The following PTPRD variants were observed in gnomAD, a reference collection of about 807,000 sequenced individuals.
The protein encoded by PTPRD is receptor-type tyrosine-protein phosphatase delta.
A neutral mutation model predicts 214.5 loss-of-function variants in PTPRD; 34 were observed. The ratio of observed to expected loss-of-function variants is 0.16; its 90% CI spans 0.12 to 0.21. The LOEUF is 0.21. Ranked by LOEUF, PTPRD falls within the 10% of genes least tolerant of loss-of-function variation. The probability of loss-of-function intolerance (pLI) is 1.00; values close to 1 mark genes in which losing one functional copy is unlikely to be tolerated. For missense variants in PTPRD, 2,545 were observed against 2,398.7 expected, an observed-to-expected ratio of 1.06 and a Z score of -1.27; for synonymous variants, 1,128 against 845.7, an observed-to-expected ratio of 1.33 and a Z score of -5.79.
intron 2 of PTPRD, among the ~76,000 whole-genome samples, chr9:10,572,523 A>T (rs967995191): frequency 1.3e-5 from 2 of 152,186 alleles, no homozygotes; most frequent in African/African-American, 4.8e-5. Context: ...AAGACCAAAA[A>T]CAGTGATGAA....
intron 3 of PTPRD, among the ~76,000 whole-genome samples, chr9:10,307,561 C>T (rs909464031): frequency 1.3e-5 from 2 of 151,862 alleles, no homozygotes; most frequent in African/African-American, 4.8e-5. Flanking sequence ...GCTTTCTTTT[C>T]CTTCAGTAGT....
chr9:10,433,417 G>A (rs2098696218), intron 2 of PTPRD, among the ~76,000 whole-genome samples: 1 of 151,940 alleles, frequency 6.6e-6, no homozygotes. Flanking sequence ...TAGTTCAAGG[G>A]ACTCCTACAC....
At chr9:9,471,287 C>T (rs2094569061) in intron 8 of PTPRD, among the ~76,000 whole-genome samples, 1 of 152,022 alleles carries the variant, frequency 6.6e-6, no homozygotes, top group African/African-American at 2.4e-5. Flanking sequence ...TGAATGAAGG[C>T]CAAAGGAAAC....
intron 10 of PTPRD, among the ~76,000 whole-genome samples, chr9:9,081,596 G>A (rs1374570373): frequency 6.6e-6 from 1 of 152,062 alleles, no homozygotes; most frequent in African/African-American, 2.4e-5. Context: ...ACAGTGGGGT[G>A]TTAAAGTCTC....
chr9:9,771,194 T>C (rs2098749106), intron 5 of PTPRD, among the ~76,000 whole-genome samples: 1 of 152,198 alleles, frequency 6.6e-6, no homozygotes. Context: ...TCTAATAAAT[T>C]TGACTACATA....
In PTPRD at chr9:8,733,958, G is replaced by A. The variant is rs1358403441; in HGVS notation, c.-103-12C>T. 1.6e-5 allele frequency: 17 copies of A among 1,056,584 alleles called. No individual in the cohort carries two copies. The highest frequency in any genetic ancestry group is 2.2e-5 in the Non-Finnish European group (16 of 715,770). The allele number at this position is 1,056,584 out of a possible 1,614,324, so 65.5% of individuals were successfully genotyped here. A position where few individuals can be genotyped will look rare whatever the true frequency, so the allele number is the denominator to read the frequency against. On this transcript the variant is annotated splice_polypyrimidine_tract_variant and intron_variant, in intron 11 of 45. Transcript: ENST00000381196. ...AACACTTTCAGAGCCTGAAAGCGGG[G>A]AGGAAGAGAAAAGAAAAGGAAGAAA... is the stretch of plus-strand genomic sequence containing the variant.
intron 9 of PTPRD, among the ~76,000 whole-genome samples, chr9:9,315,900 T>A (rs1962698403): frequency 6.9e-6 from 1 of 145,562 alleles, no homozygotes; most frequent in African/African-American, 2.5e-5. Context: ...GAACCTCAGC[T>A]ACGGAAAGCT....
chr9:8,504,170 T>A (rs1182854730), intron 23 of PTPRD, 91 bp downstream of exon 23: 1 of 1,280,474 alleles, frequency 7.8e-7, no homozygotes, highest in African/African-American at 1.5e-5. Context: ...ATTAAGCATA[T>A]TAGCAGGTTT....
chr9:9,226,745 C>T (rs2099959739), intron 9 of PTPRD, among the ~76,000 whole-genome samples: 1 of 151,984 alleles, frequency 6.6e-6, no homozygotes, highest in Non-Finnish European at 1.5e-5. Flanking sequence ...CTATAAGCTG[C>T]ATGAAGGTAA....
chr9:9,268,697 A>G (rs2132612221), intron 9 of PTPRD, among the ~76,000 whole-genome samples: 1 of 151,218 alleles, frequency 6.6e-6, no homozygotes, highest in Admixed American at 6.6e-5. Context: ...GAGCCCAGGA[A>G]TAAACCCATG....
chr9:9,217,989 T>A (rs1005074143), intron 9 of PTPRD, among the ~76,000 whole-genome samples: 1 of 152,172 alleles, frequency 6.6e-6, no homozygotes. Context: ...GTATGACAGT[T>A]ATGCCGTTCA....
chr9:8,568,615 C>T (rs754420570), intron 14 of PTPRD, among the ~76,000 whole-genome samples: 1 of 152,082 alleles, frequency 6.6e-6, no homozygotes, highest in Non-Finnish European at 1.5e-5. Flanking sequence ...CTATATGTGT[C>T]TGGTAGATTT....
intron 8 of PTPRD, among the ~76,000 whole-genome samples, chr9:9,496,640 G>A (rs911873112): frequency 6.6e-6 from 1 of 152,158 alleles, no homozygotes; most frequent in Non-Finnish European, 1.5e-5. Context: ...AAACCCTTCT[G>A]CAATGTTGGT....
intron 8 of PTPRD, among the ~76,000 whole-genome samples, chr9:9,428,581 C>T (rs954534491): frequency 1.3e-5 from 2 of 152,180 alleles, no homozygotes; most frequent in Admixed American, 1.3e-4. Flanking sequence ...ACTCTCCACC[C>T]CAAATCAACA....
intron 11 of PTPRD, among the ~76,000 whole-genome samples, chr9:8,877,019 CG>C (rs531161624): frequency 3.9e-5 from 6 of 152,074 alleles, no homozygotes; most frequent in African/African-American, 1.2e-4. Context: ...CTCTGCCCCC[CG>C]GGTTCAAGTG....
chr9:9,274,964 A>G, intron 9 of PTPRD, among the ~76,000 whole-genome samples: 1 of 140,734 alleles, frequency 7.1e-6, no homozygotes, highest in Admixed American at 7.7e-5. Flanking sequence ...GTCTTTGAGA[A>G]GTCTTGCAAT....
chr9:8,437,877 G>C (rs2095413653), intron 34 of PTPRD, among the ~76,000 whole-genome samples: 1 of 152,168 alleles, frequency 6.6e-6, no homozygotes, highest in Non-Finnish European at 1.5e-5. Context: ...GGTGACTCCT[G>C]TGTCTTTCTG....
chr9:9,968,349 T>C (rs2094850379), intron 4 of PTPRD, among the ~76,000 whole-genome samples: 1 of 152,234 alleles, frequency 6.6e-6, no homozygotes, highest in Non-Finnish European at 1.5e-5. Context: ...CATTTTGCAC[T>C]GTCTTATTAA....
chr9:9,331,405 C>A (rs987787894), intron 9 of PTPRD, among the ~76,000 whole-genome samples: 1 of 152,036 alleles, frequency 6.6e-6, no homozygotes, highest in Non-Finnish European at 1.5e-5. Context: ...AGATCACTGG[C>A]AGGACTATGC....
Sources: allele counts gnomAD v4.1 joint callset (sites outside exome capture counted in the v4.1 genomes callset), GRCh38; gene constraint gnomAD v4.1.1; transcripts MANE v1.5; gene names NCBI Gene and HGNC (gene_info 2026-07-23, HGNC 2026-07-21).